The following NRG2 variants were observed in gnomAD, a reference collection of about 807,000 sequenced individuals.
The protein encoded by NRG2 is pro-neuregulin-2, membrane-bound isoform.
A neutral mutation model predicts 73.9 loss-of-function variants in NRG2; 27 were observed. The ratio of observed to expected loss-of-function variants is 0.37; its 90% confidence interval spans 0.27 to 0.50. The LOEUF (loss-of-function observed/expected upper bound fraction) is 0.50. Ranked by LOEUF, NRG2 falls within the 20% of genes least tolerant of loss-of-function variation. NRG2 has a pLI of 0.96. For synonymous variants in NRG2, 532 were observed against 541.0 expected (o/e 0.98, Z 0.23); for missense variants, 1,126 against 1,210.1 (o/e 0.93, Z 1.03).
intron 3 of NRG2, among the ~76,000 whole-genome samples, chr5:139,878,400 G>A (rs1361307742): frequency 1.3e-5 from 2 of 152,210 alleles, no homozygotes; most frequent in East Asian, 3.9e-4. Flanking sequence ...TTTTCTCCGG[G>A]TGGTGGGCTG....
chr5:140,007,398 G>A (rs1041575242), intron 1 of NRG2, among the ~76,000 whole-genome samples: 9 of 151,818 alleles, frequency 5.9e-5, no homozygotes, highest in Non-Finnish European at 1.3e-4. Context: ...GCTTCCAATT[G>A]GAGAAAAAGA....
rs777340707 is a variant in NRG2, at chr5:139,904,301, C to T, written c.701-16790G>A. 1.3e-6 allele frequency: 2 copies of T among 1,589,674 alleles called. No homozygotes were observed. Among genetic ancestry groups the T allele is most frequent in the Non-Finnish European group, 8.5e-7 (1 of 1,176,402 alleles). On this transcript the variant is annotated intron_variant, in intron 1 of 9. Coordinates refer to ENST00000361474, the MANE Select transcript of NRG2 (RefSeq NM_004883.3). This position sits in a 1 kb window ranked among gnomAD's most constrained non-coding sequence, Gnocchi z 6.0. ...CCGGGTTTCTGGGCGCGCGGAGGTG[C>T]CCTACCTTTCTCCCCGGGATCGGGC...
intron 9 of NRG2, 82 bp from the exon 10 acceptor site, chr5:139,848,779 G>GGGCT: frequency 5.0e-6 from 1 of 198,600 alleles, no homozygotes; most frequent in Non-Finnish European, 1.0e-5. Flanking sequence ...GGTAGGGTGG[G>GGGCT]AGGGGCGGAC....
intron 1 of NRG2, among the ~76,000 whole-genome samples, chr5:140,023,720 G>T (rs906841369): frequency 1.3e-5 from 2 of 152,094 alleles, no homozygotes; most frequent in Non-Finnish European, 2.9e-5. Flanking sequence ...GGAAAGAATG[G>T]GACTGCACAC....
intron 3 of NRG2, among the ~76,000 whole-genome samples, chr5:139,872,914 C>T (rs1762953878): frequency 6.6e-6 from 1 of 152,166 alleles, no homozygotes; most frequent in African/African-American, 2.4e-5. Context: ...CCTCTGAGGG[C>T]CTCTCGTTCC....
chr5:139,884,335 G>A (rs2127117863), intron 2 of NRG2, among the ~76,000 whole-genome samples: 1 of 152,282 alleles, frequency 6.6e-6, no homozygotes, highest in Non-Finnish European at 1.5e-5. Flanking sequence ...ACAAGTGAGG[G>A]GAGGAGGGCT....
At chr5:139,987,378 A>AT (rs1190081232) in intron 1 of NRG2, among the ~76,000 whole-genome samples, 1 of 151,258 alleles carries the variant, frequency 6.6e-6, no homozygotes, top group East Asian at 1.9e-4. Flanking sequence ...AAAAAAAAAA[A>AT]AAAAAAAAAA....
At position 139,881,275 on chromosome 5, in the gene NRG2, G is replaced by A. The variant is rs189307219; in HGVS notation, c.873-301C>T. The stretch of plus-strand genomic sequence containing the variant: ...GGCTGGACCATTGTAACATTCTTCT[G>A]GGGGAGTAAAGCCAGGCCCTGTAGG... On this transcript the variant is annotated intron_variant, in intron 2 of 9. Transcript: ENST00000361474. Among the ~76,000 whole-genome samples, 200 of 152,274 alleles carry A rather than the reference G, an allele frequency of 1.3e-3. 2 individuals carry two copies. Among genetic ancestry groups the A allele is most frequent in the African/African-American group, 4.5e-3 (187 of 41,556 alleles).
intron 1 of NRG2, among the ~76,000 whole-genome samples, chr5:139,943,122 C>G (rs553968207): frequency 6.6e-6 from 1 of 151,592 alleles, no homozygotes; most frequent in Non-Finnish European, 1.5e-5. Flanking sequence ...ATTATAGGTG[C>G]GAGCCACCGT....
intron 1 of NRG2, among the ~76,000 whole-genome samples, chr5:139,910,680 C>A (rs1213870783): frequency 6.6e-6 from 1 of 152,150 alleles, no homozygotes; most frequent in Non-Finnish European, 1.5e-5. Flanking sequence ...CCTTGCCATG[C>A]CCTTTTGACC....
intron 2 of NRG2, among the ~76,000 whole-genome samples, chr5:139,881,902 C>T (rs1339874514): frequency 2.0e-5 from 3 of 152,160 alleles, no homozygotes; most frequent in Non-Finnish European, 1.5e-5. Context: ...CTCAGAGTTT[C>T]CCTGCACCTA....
intron 1 of NRG2, among the ~76,000 whole-genome samples, chr5:140,029,770 T>C (rs1341833617): frequency 1.3e-5 from 2 of 151,406 alleles, no homozygotes; most frequent in Non-Finnish European, 2.9e-5. Flanking sequence ...ATTTCATAAA[T>C]TGAGAGGAGA....
chr5:139,924,732 T>A (rs1751926811), intron 1 of NRG2, among the ~76,000 whole-genome samples: 1 of 152,190 alleles, frequency 6.6e-6, no homozygotes, highest in Non-Finnish European at 1.5e-5. Context: ...CTAGAAAGAA[T>A]CTTTCTGTAA....
intron 3 of NRG2, among the ~76,000 whole-genome samples, chr5:139,877,965 G>A (rs1763288641): frequency 6.6e-6 from 1 of 152,212 alleles, no homozygotes; most frequent in Non-Finnish European, 1.5e-5. Context: ...TGCCCTCAGT[G>A]CCCTGCCCAA....
At chr5:139,859,840 GGA>G in intron 5 of NRG2, 1 of 1,596,118 alleles carries the variant, frequency 6.3e-7, no homozygotes, top group Non-Finnish European at 8.6e-7. Context: ...CGGAGGCTGT[GGA>G]GAGGGGCCAC....
chr5:140,035,706 T>A (rs2126701790), intron 1 of NRG2, among the ~76,000 whole-genome samples: 1 of 152,286 alleles, frequency 6.6e-6, no homozygotes, highest in Middle Eastern at 3.4e-3. Flanking sequence ...TTCTGTTAGT[T>A]GGATCAATAT....
chr5:140,017,934 G>T (rs568274054), intron 1 of NRG2, among the ~76,000 whole-genome samples: 3 of 152,266 alleles, frequency 2.0e-5, no homozygotes, highest in Admixed American at 6.5e-5. Context: ...AGGACATAGT[G>T]GGAGGACTGG....
At chr5:139,972,853 C>A (rs1183303813) in intron 1 of NRG2, among the ~76,000 whole-genome samples, 2 of 151,966 alleles carry the variant, frequency 1.3e-5, no homozygotes, top group Non-Finnish European at 2.9e-5. Context: ...AAGATAAATA[C>A]CTCAACAGAA....
chr5:139,867,762 CTGTGTGTGTGTG>C (rs367771225), intron 4 of NRG2, among the ~76,000 whole-genome samples: 9 of 128,770 alleles, frequency 7.0e-5, no homozygotes, highest in East Asian at 2.3e-4. Flanking sequence ...GAAGGGAAAC[CTGTGTGTGTGTG>C]TGTGTGTGTG....
Sources: gnomAD v4.1 joint callset for allele counts (sites outside exome capture counted in the v4.1 genomes callset) on GRCh38, gnomAD v4.1.1 for gene constraint, Gnocchi (gnomAD v3.1) non-coding constraint, MANE v1.5 for transcripts, NCBI Gene and HGNC (gene_info 2026-07-23, HGNC 2026-07-21) for gene names.